Variants in ZNF804B observed in about 807,000 individuals in gnomAD.
The protein encoded by ZNF804B is zinc finger protein 804B.
A neutral mutation model predicts 101.4 loss-of-function variants in ZNF804B; 80 were observed. The ratio of observed to expected loss-of-function variants is 0.79; its 90% CI spans 0.66 to 0.95. ZNF804B has a LOEUF of 0.95. ZNF804B is among the 40% of genes least tolerant of loss of function. The pLI is 0.00. For synonymous variants in ZNF804B, 622 were observed against 558.8 expected (o/e 1.11, Z -1.59); for missense variants, 1,673 against 1,561.9 (o/e 1.07, Z -1.20).
intron 1 of ZNF804B, among the ~76,000 whole-genome samples, chr7:89,047,185 A>G (rs1258038236): frequency 2.0e-5 from 3 of 152,182 alleles, no homozygotes; most frequent in African/African-American, 7.2e-5. Flanking sequence ...AACAGCAAAC[A>G]TCGTCATTGT....
chr7:89,050,055 A>T (rs190048564), intron 1 of ZNF804B, among the ~76,000 whole-genome samples: 4 of 152,258 alleles, frequency 2.6e-5, no homozygotes, highest in Non-Finnish European at 5.9e-5. Flanking sequence ...GTCTAAGTAG[A>T]TGGAAAAAGA....
At chr7:89,000,016 A>T (rs545152086) in intron 1 of ZNF804B, among the ~76,000 whole-genome samples, 2 of 152,114 alleles carry the variant, frequency 1.3e-5, no homozygotes, top group South Asian at 2.1e-4. Flanking sequence ...AGTAAAAATG[A>T]TAAATATATT....
At chr7:89,272,245 G>A (rs1359672165) in intron 2 of ZNF804B, among the ~76,000 whole-genome samples, 2 of 151,982 alleles carry the variant, frequency 1.3e-5, no homozygotes, top group South Asian at 2.1e-4. Flanking sequence ...GACCAAGAAA[G>A]CACCTAGCAC....
intron 1 of ZNF804B, among the ~76,000 whole-genome samples, chr7:88,898,771 G>A (rs1006254002): frequency 3.3e-5 from 5 of 152,142 alleles, no homozygotes; most frequent in Admixed American, 3.3e-4. Flanking sequence ...AGAGAGGCCT[G>A]GTGCTTGTTT....
intron 1 of ZNF804B, among the ~76,000 whole-genome samples, chr7:88,973,244 A>C (rs1412922535): frequency 6.6e-6 from 1 of 151,114 alleles, no homozygotes; most frequent in Non-Finnish European, 1.5e-5. Flanking sequence ...AAGTGATATA[A>C]AGCTATTGTC....
intron 1 of ZNF804B, among the ~76,000 whole-genome samples, chr7:88,774,106 A>C (rs1387899096): frequency 6.6e-6 from 1 of 152,140 alleles, no homozygotes; most frequent in African/African-American, 2.4e-5. Context: ...TGACTCATGC[A>C]CAAAGCACTT....
intron 1 of ZNF804B, among the ~76,000 whole-genome samples, chr7:89,032,148 T>C (rs1788846651): frequency 6.6e-6 from 1 of 152,124 alleles, no homozygotes; most frequent in African/African-American, 2.4e-5. Flanking sequence ...TAGTTAATCT[T>C]TTGCAACATT....
At chr7:88,894,829 C>T (rs2115938223) in intron 1 of ZNF804B, among the ~76,000 whole-genome samples, 1 of 151,924 alleles carries the variant, frequency 6.6e-6, no homozygotes, top group South Asian at 2.1e-4. Flanking sequence ...AAAAATAGAT[C>T]AGAGGTTTGG....
chr7:88,924,168 C>T (rs1022708707), intron 1 of ZNF804B, among the ~76,000 whole-genome samples: 3 of 152,192 alleles, frequency 2.0e-5, no homozygotes, highest in South Asian at 4.1e-4. Flanking sequence ...ACATCCCCAC[C>T]AGTCATATGT....
chr7:89,232,406 C>G (rs186012304), intron 2 of ZNF804B, among the ~76,000 whole-genome samples: 1 of 152,062 alleles, frequency 6.6e-6, no homozygotes, highest in African/African-American at 2.4e-5. Context: ...ATGTGTGTGG[C>G]TCTGGTATCG....
intron 1 of ZNF804B, among the ~76,000 whole-genome samples, chr7:88,861,604 T>G (rs887911006): frequency 2.0e-5 from 3 of 152,224 alleles, no homozygotes; most frequent in Non-Finnish European, 4.4e-5. Context: ...CATTTTCTAC[T>G]GTGGTTCCTA....
At chr7:89,024,727 C>CCTG (rs1196802576) in intron 1 of ZNF804B, among the ~76,000 whole-genome samples, 1 of 148,522 alleles carries the variant, frequency 6.7e-6, no homozygotes, top group Non-Finnish European at 1.5e-5. Flanking sequence ...GTCTAGAAGT[C>CCTG]CTGGCTGATA....
At chr7:88,945,410 G>A (rs761285363) in intron 1 of ZNF804B, among the ~76,000 whole-genome samples, 7 of 151,848 alleles carry the variant, frequency 4.6e-5, no homozygotes, top group African/African-American at 7.2e-5. Context: ...GATGTGTGGC[G>A]TTATTTCTCA....
chr7:89,002,757 A>G (rs1402921856), intron 1 of ZNF804B, among the ~76,000 whole-genome samples: 1 of 151,984 alleles, frequency 6.6e-6, no homozygotes, highest in Non-Finnish European at 1.5e-5. Context: ...TCTATAAATA[A>G]TAAGTGAATG....
intron 2 of ZNF804B, among the ~76,000 whole-genome samples, chr7:89,261,146 A>G (rs950698341): frequency 6.6e-6 from 1 of 152,162 alleles, no homozygotes; most frequent in African/African-American, 2.4e-5. Context: ...TAAGTACTAT[A>G]GTTAATTTTA....
intron 1 of ZNF804B, among the ~76,000 whole-genome samples, chr7:88,981,994 T>A (rs1793699989): frequency 6.6e-6 from 1 of 152,028 alleles, no homozygotes; most frequent in Non-Finnish European, 1.5e-5. Flanking sequence ...CTTTCTTATG[T>A]GGATAGTTAT....
intron 1 of ZNF804B, among the ~76,000 whole-genome samples, chr7:88,798,819 A>G (rs1790532193): frequency 6.6e-6 from 1 of 152,082 alleles, no homozygotes; most frequent in Non-Finnish European, 1.5e-5. Context: ...AGGTGCCACA[A>G]TCCTTATGTG....
At chr7:88,820,438 G>A (rs1349096023) in intron 1 of ZNF804B, among the ~76,000 whole-genome samples, 1 of 152,118 alleles carries the variant, frequency 6.6e-6, no homozygotes, top group Non-Finnish European at 1.5e-5. Context: ...AGAGGCAATT[G>A]CCTGCCCATT....
chr7:89,212,818 C>T (rs1443783960), intron 1 of ZNF804B, among the ~76,000 whole-genome samples: 1 of 152,034 alleles, frequency 6.6e-6, no homozygotes, highest in African/African-American at 2.4e-5. Flanking sequence ...TCTATAATTT[C>T]TTAAAATAAC....
Sources: allele counts gnomAD v4.1 joint callset (sites outside exome capture counted in the v4.1 genomes callset), GRCh38; gene constraint gnomAD v4.1.1; transcripts MANE v1.5; gene names NCBI Gene and HGNC (gene_info 2026-07-23, HGNC 2026-07-21).